The following SRGAP3 variants were observed in gnomAD, a reference collection of about 807,000 sequenced individuals.
SRGAP3 encodes SLIT-ROBO Rho GTPase-activating protein 3.
In SRGAP3, 39 loss-of-function variants were observed where a neutral mutation model predicts 121.1. The observed-to-expected ratio is 0.32, with a 90% CI of 0.25 to 0.42. The LOEUF is 0.42. Among genes scored for constraint, SRGAP3 ranks in the 10% least tolerant of loss-of-function variants. The pLI, the probability that SRGAP3 is intolerant of heterozygous loss-of-function variation, is 1.00. For missense variants in SRGAP3, 1,213 were observed against 1,470.6 expected (o/e 0.82, Z 2.86); for synonymous variants, 601 against 570.0 (o/e 1.05, Z -0.77).
intron 18 of SRGAP3, among the ~76,000 whole-genome samples, chr3:8,998,886 G>A (rs1942574995): frequency 6.6e-6 from 1 of 152,154 alleles, no homozygotes; most frequent in African/African-American, 2.4e-5. Context: ...TGAATGATGG[G>A]CCTAGGGTTG....
rs569475622 is a variant in SRGAP3 at position 9,131,227 on chromosome 3, T to TC, written c.68-6311dup. 3.3e-4 allele frequency among the ~76,000 whole-genome samples: 50 copies of TC among 151,850 alleles called. No homozygotes were observed. The South Asian group carries it at 3.8e-3, about 11-fold the overall frequency. ...GCACAGACTTCATTCAGCAGACGTTTCCCCCCCGGGGGACAGTTCCAGCCA... is the reference window on the plus strand; with the variant it reads ...GCACAGACTTCATTCAGCAGACGTTTCCCCCCCCGGGGGACAGTTCCAGCCA... On this transcript the variant is annotated intron_variant, in intron 1 of 21. Coordinates refer to ENST00000383836, the MANE Select transcript of SRGAP3 (RefSeq NM_014850.4).
intron 3 of SRGAP3, among the ~76,000 whole-genome samples, chr3:9,273,323 T>C (rs1176446799): frequency 6.6e-6 from 1 of 152,204 alleles, no homozygotes; most frequent in Non-Finnish European, 1.5e-5. Context: ...ATTGTGGTTT[T>C]AATTTTCATT....
At chr3:9,000,038 C>T (rs1320412541) in intron 18 of SRGAP3, among the ~76,000 whole-genome samples, 2 of 152,174 alleles carry the variant, frequency 1.3e-5, no homozygotes, top group Non-Finnish European at 2.9e-5. Context: ...ACTCCTGCTC[C>T]AAGCTTGGGG....
At chr3:9,080,817 T>C (rs769710775) in intron 3 of SRGAP3, among the ~76,000 whole-genome samples, 1 of 152,058 alleles carries the variant, frequency 6.6e-6, no homozygotes, top group Non-Finnish European at 1.5e-5. Flanking sequence ...TCTGTCACTG[T>C]CTCCCATCAC....
chr3:9,131,235 G>A (rs1050951254), intron 1 of SRGAP3, among the ~76,000 whole-genome samples: 38 of 152,234 alleles, frequency 2.5e-4, no homozygotes, highest in African/African-American at 2.2e-4. Flanking sequence ...TTTCCCCCCC[G>A]GGGGACAGTT....
chr3:9,278,918 T>A (rs1160556406), intron 3 of SRGAP3, among the ~76,000 whole-genome samples: 1 of 152,166 alleles, frequency 6.6e-6, no homozygotes, highest in Non-Finnish European at 1.5e-5. Flanking sequence ...CTCCTGTGTG[T>A]TGATTGATTC....
intron 12 of SRGAP3, among the ~76,000 whole-genome samples, chr3:9,030,446 G>A (rs1456447316): frequency 6.6e-6 from 1 of 152,136 alleles, no homozygotes. Flanking sequence ...CAAAGACAAG[G>A]TGTCCATTTG....
At chr3:9,336,496 T>C in intron 1 of SRGAP3, among the ~76,000 whole-genome samples, 1 of 152,056 alleles carries the variant, frequency 6.6e-6, no homozygotes, top group Non-Finnish European at 1.5e-5. Flanking sequence ...ATTACAGGCA[T>C]GAGACACCAT....
chr3:9,175,089 C>G (rs1011677943), intron 1 of SRGAP3, among the ~76,000 whole-genome samples: 5 of 152,170 alleles, frequency 3.3e-5, no homozygotes, highest in Non-Finnish European at 7.3e-5. Context: ...CAGGCCCTGT[C>G]AGCCAAACAC....
intron 9 of SRGAP3, among the ~76,000 whole-genome samples, chr3:9,049,950 G>A (rs1218546040): frequency 6.6e-6 from 1 of 151,936 alleles, no homozygotes; most frequent in African/African-American, 2.4e-5. Context: ...CAAGTAGCTG[G>A]GACCTCAGCC....
chr3:9,233,064 G>A (rs1953273200), intron 1 of SRGAP3, among the ~76,000 whole-genome samples: 1 of 152,174 alleles, frequency 6.6e-6, no homozygotes, highest in Non-Finnish European at 1.5e-5. Context: ...TCTGAATGCT[G>A]GTGCCCCACT....
At chr3:9,119,816 G>A (rs1348343810) in intron 2 of SRGAP3, among the ~76,000 whole-genome samples, 5 of 152,194 alleles carry the variant, frequency 3.3e-5, no homozygotes, top group African/African-American at 7.2e-5. Context: ...AGCAGGGCCC[G>A]GCCTACTAGC....
intron 18 of SRGAP3, among the ~76,000 whole-genome samples, chr3:9,009,907 T>C (rs1406938030): frequency 6.6e-5 from 10 of 152,132 alleles, no homozygotes; most frequent in Admixed American, 6.5e-4. Flanking sequence ...AGGACCGACG[T>C]CTTGTTCATC....
chr3:9,011,516 A>G (rs1419084460), intron 17 of SRGAP3, among the ~76,000 whole-genome samples: 1 of 152,136 alleles, frequency 6.6e-6, no homozygotes, highest in Non-Finnish European at 1.5e-5. Context: ...ATTCTACTGA[A>G]TGCTCCAGGT....
chr3:9,051,678 C>T (rs1228798167), intron 9 of SRGAP3, among the ~76,000 whole-genome samples: 3 of 149,712 alleles, frequency 2.0e-5, no homozygotes, highest in South Asian at 2.1e-4. Context: ...GCATAGTACC[C>T]GGTATAGAAG....
intron 12 of SRGAP3, among the ~76,000 whole-genome samples, chr3:9,031,479 C>T (rs918840507): frequency 3.9e-5 from 6 of 152,170 alleles, no homozygotes; most frequent in Admixed American, 1.3e-4. Flanking sequence ...ACAGCAGCCC[C>T]TGACATCCTT....
intron 3 of SRGAP3, among the ~76,000 whole-genome samples, chr3:9,098,067 C>T (rs757699314): frequency 7.2e-5 from 11 of 152,130 alleles, no homozygotes; most frequent in Non-Finnish European, 1.3e-4. Flanking sequence ...GCTTCAAATG[C>T]TGCTTCCCCC....
intron 2 of SRGAP3, among the ~76,000 whole-genome samples, chr3:9,117,939 C>A (rs2124957158): frequency 6.6e-6 from 1 of 152,120 alleles, no homozygotes; most frequent in Admixed American, 6.5e-5. Flanking sequence ...GACAACATAG[C>A]AAGACCCCTG....
intron 1 of SRGAP3, among the ~76,000 whole-genome samples, chr3:9,347,670 T>C (rs1050055916): frequency 6.6e-6 from 1 of 152,218 alleles, no homozygotes; most frequent in Non-Finnish European, 1.5e-5. Flanking sequence ...AATGGAGACA[T>C]CTGTACAATT....
Sources: allele counts gnomAD v4.1 joint callset (sites outside exome capture counted in the v4.1 genomes callset), GRCh38; gene constraint gnomAD v4.1.1; transcripts MANE v1.5; gene names NCBI Gene and HGNC (gene_info 2026-07-23, HGNC 2026-07-21).